Variants in OOSP4B observed in about 807,000 individuals in gnomAD.
OOSP4B encodes the protein oocyte-secreted protein 4B.
exon 5 of OOSP4B, chr11:60,031,004 A>T: frequency 2.5e-6 from 1 of 392,398 alleles, no homozygotes. Context: ...CTATACCATG[A>T]TATTTATACT....
intron 1 of OOSP4B, among the ~76,000 whole-genome samples, chr11:60,017,821 A>T (rs546875270): frequency 3.3e-5 from 5 of 152,284 alleles, no homozygotes; most frequent in African/African-American, 1.2e-4. Context: ...GTTTCTGGGG[A>T]GGATTACAGG....
At chr11:60,019,131 G>T (rs977504775) in intron 1 of OOSP4B, among the ~76,000 whole-genome samples, 10 of 152,104 alleles carry the variant, frequency 6.6e-5, no homozygotes, top group African/African-American at 2.2e-4. Context: ...GCTGAGGCAG[G>T]AGAATCACTT....
chr11:60,030,564 C>T (rs922892543), intron 4 of OOSP4B, among the ~76,000 whole-genome samples: 4 of 152,282 alleles, frequency 2.6e-5, no homozygotes, highest in Middle Eastern at 3.4e-3. Context: ...ACTTGATAGT[C>T]TCAGAAAGGC....
intron 3 of OOSP4B, among the ~76,000 whole-genome samples, chr11:60,027,738 G>A (rs547415723): frequency 9.6e-5 from 14 of 145,728 alleles, no homozygotes; most frequent in African/African-American, 3.2e-4. Context: ...CTAGGAGTTC[G>A]AAACCAGCCT....
At chr11:60,020,403 C>T (rs543181191) in intron 1 of OOSP4B, among the ~76,000 whole-genome samples, 3 of 150,966 alleles carry the variant, frequency 2.0e-5, no homozygotes, top group South Asian at 2.2e-4. Context: ...AGCCCTGCCC[C>T]GCCAGGAGGC....
chr11:60,026,843 G>A (rs117043570), intron 3 of OOSP4B, among the ~76,000 whole-genome samples: 1,789 of 152,274 alleles, frequency 0.012, 28 homozygotes, highest in Middle Eastern at 0.031. Flanking sequence ...CATTTGCACA[G>A]TGTAGACTTA....
At chr11:60,028,017 G>A (rs1854762395) in intron 3 of OOSP4B, among the ~76,000 whole-genome samples, 2 of 151,356 alleles carry the variant, frequency 1.3e-5, no homozygotes, top group Non-Finnish European at 2.9e-5. Flanking sequence ...AAGGCAATGA[G>A]CATATAAATG....
At position 60,025,690 on chromosome 11, in the gene OOSP4B, A is replaced by G. The variant is rs78169218; in HGVS notation, c.302+685A>G. The stretch of plus-strand genomic sequence containing the variant: ...CTTGTGCTGTTTTCAGTCTCTGGCT[A>G]TTATGAATAAATATGCTATCACCAT... On this transcript the variant is annotated intron_variant, in intron 3 of 4. Transcript: ENST00000642343. Among the ~76,000 whole-genome samples, 25 of 152,326 alleles carry G rather than the reference A, an allele frequency of 1.6e-4. 1 individual carries two copies. In the East Asian group the frequency reaches 4.8e-3, roughly 29 times the overall value.
chr11:60,023,689 C>T (rs558989720), intron 1 of OOSP4B, among the ~76,000 whole-genome samples, 191 bp from the exon 2 acceptor site: 5 of 152,218 alleles, frequency 3.3e-5, no homozygotes, highest in Non-Finnish European at 7.3e-5. Context: ...CTGCCTCGGC[C>T]TCCCAGAATG....
At chr11:60,019,480 C>T (rs534365753) in intron 1 of OOSP4B, 39 of 158,880 alleles carry the variant, frequency 2.5e-4, no homozygotes, top group South Asian at 7.9e-4. Flanking sequence ...GTGGCGTGTC[C>T]GGAGTTTGTT....
intron 3 of OOSP4B, among the ~76,000 whole-genome samples, chr11:60,025,989 T>C (rs1854743564): frequency 6.6e-6 from 1 of 152,192 alleles, no homozygotes. Flanking sequence ...GCCATTTTTA[T>C]GTCTCTTGTG....
At chr11:60,030,940 A>C (rs1389879651) in exon 5 of OOSP4B, 2 of 396,946 alleles carry the variant, frequency 5.0e-6, no homozygotes, top group East Asian at 7.2e-5. Context: ...TACAAAGATG[A>C]GTAGCAACAT....
intron 1 of OOSP4B, chr11:60,019,566 C>T (rs1045622827): frequency 6.5e-6 from 1 of 154,252 alleles, no homozygotes; most frequent in Non-Finnish European, 1.4e-5. Flanking sequence ...AGGAGTGAAG[C>T]TGCAGATCTT....
intron 1 of OOSP4B, among the ~76,000 whole-genome samples, chr11:60,021,277 AG>A (rs1224096964): frequency 6.6e-6 from 1 of 152,206 alleles, no homozygotes; most frequent in African/African-American, 2.4e-5. Flanking sequence ...ATGAGTTCTA[AG>A]GTGATGTTGA....
chr11:60,024,181 C>T (rs1232197249), intron 2 of OOSP4B, 120 bp downstream of exon 2: 1 of 395,568 alleles, frequency 2.5e-6, no homozygotes, highest in African/African-American at 2.1e-5. Context: ...TTGCAGTGAT[C>T]AATTGTTAGA....
rs1854787017 is a variant in OOSP4B, at chr11:60,029,772, CT to C, written c.303-9del. Reference sequence around the variant, plus strand: ...ATCCTGTGCTTTTCTTTTGTTTGCTCTGCATTTAGGCTTAAATTCCCCTCTG... The same window carrying C: ...ATCCTGTGCTTTTCTTTTGTTTGCTCGCATTTAGGCTTAAATTCCCCTCTG... On this transcript the variant is annotated splice_polypyrimidine_tract_variant and intron_variant, in intron 3 of 4. Transcript: ENST00000642343. The C allele has an allele frequency of 2.5e-6, 1 of 398,238 alleles. No homozygotes were observed. Among genetic ancestry groups the C allele is most frequent in the Non-Finnish European group, 4.4e-6 (1 of 225,864 alleles). 24.7% of individuals were successfully genotyped at this position (398,238 alleles called of 1,614,324 possible).
At chr11:60,026,746 G>T (rs1208413800) in intron 3 of OOSP4B, among the ~76,000 whole-genome samples, 1 of 152,154 alleles carries the variant, frequency 6.6e-6, no homozygotes, top group African/African-American at 2.4e-5. Context: ...AATATTACAT[G>T]TAAATTACTA....
chr11:60,019,179 C>T (rs952600750), intron 1 of OOSP4B, among the ~76,000 whole-genome samples: 11 of 151,914 alleles, frequency 7.2e-5, no homozygotes, highest in Middle Eastern at 6.8e-3. Context: ...GCTGAGATTG[C>T]GCCATTGCAC....
chr11:60,031,095 A>G, downstream of OOSP4B: 3 of 335,094 alleles, frequency 9.0e-6, no homozygotes, highest in Non-Finnish European at 1.6e-5. Context: ...GCCCATACCC[A>G]GTGTGTTCTT....
Sources: allele counts gnomAD v4.1 joint callset (sites outside exome capture counted in the v4.1 genomes callset), GRCh38; gene constraint gnomAD v4.1.1; transcripts MANE v1.5; gene names NCBI Gene and HGNC (gene_info 2026-07-23, HGNC 2026-07-21).